The following NR6A1 variants were observed in gnomAD, a reference collection of about 807,000 sequenced individuals.
The protein encoded by NR6A1 is nuclear receptor subfamily 6 group A member 1.
Under a neutral mutation model 59.1 loss-of-function variants are expected in NR6A1, and 7 were observed. The ratio of observed to expected loss-of-function variants is 0.12; its 90% CI spans 0.07 to 0.22. The LOEUF is 0.22. Ranked by LOEUF, NR6A1 falls within the 10% of genes least tolerant of loss-of-function variation. The pLI is 1.00. For missense variants in NR6A1, 468 were observed against 611.6 expected, an observed-to-expected ratio of 0.77 and a Z score of 2.48; for synonymous variants, 243 against 236.1, an observed-to-expected ratio of 1.03 and a Z score of -0.27.
At chr9:124,611,478 C>T (rs1429986772) in intron 2 of NR6A1, among the ~76,000 whole-genome samples, 1 of 152,104 alleles carries the variant, frequency 6.6e-6, no homozygotes, top group Non-Finnish European at 1.5e-5. Context: ...GTTCACACCT[C>T]TGATCCTAAC....
At chr9:124,722,437 A>G (rs933624272) in intron 2 of NR6A1, among the ~76,000 whole-genome samples, 2 of 152,238 alleles carry the variant, frequency 1.3e-5, no homozygotes, top group Non-Finnish European at 2.9e-5. Context: ...CTAGGAATAA[A>G]TCCATTAGAA....
intron 2 of NR6A1, among the ~76,000 whole-genome samples, chr9:124,629,049 G>C (rs779325401): frequency 2.6e-5 from 4 of 152,190 alleles, no homozygotes; most frequent in Non-Finnish European, 4.4e-5. Context: ...GGCCAAAGAG[G>C]CCTCTGCCTC....
chr9:124,546,754 C>T (rs1021313136), intron 3 of NR6A1, among the ~76,000 whole-genome samples: 10 of 152,320 alleles, frequency 6.6e-5, no homozygotes, highest in Admixed American at 3.3e-4. Flanking sequence ...GAAATCAATA[C>T]AATGTGCCAC....
At chr9:124,609,916 T>C (rs1835690583) in intron 2 of NR6A1, among the ~76,000 whole-genome samples, 1 of 152,176 alleles carries the variant, frequency 6.6e-6, no homozygotes, top group Admixed American at 6.5e-5. Flanking sequence ...TGGTTATCTG[T>C]TGTTGGTGTA....
At chr9:124,734,815 C>G (rs550492471) in intron 1 of NR6A1, among the ~76,000 whole-genome samples, 1 of 152,308 alleles carries the variant, frequency 6.6e-6, no homozygotes, top group South Asian at 2.1e-4. Context: ...AAATGAGATT[C>G]ATGCAGCAGG....
intron 2 of NR6A1, among the ~76,000 whole-genome samples, chr9:124,557,794 T>C (rs1833972649): frequency 6.6e-6 from 1 of 152,186 alleles, no homozygotes; most frequent in Non-Finnish European, 1.5e-5. Context: ...GAATCTAAAT[T>C]TTCTAATTTT....
chr9:124,754,825 T>C (rs1254530269), intron 1 of NR6A1, among the ~76,000 whole-genome samples: 1 of 152,152 alleles, frequency 6.6e-6, no homozygotes, highest in Admixed American at 6.6e-5. Flanking sequence ...TCAGAAACTT[T>C]TGTAAAGTAA....
chr9:124,607,510 A>G (rs886650999), intron 2 of NR6A1: 1 of 152,188 alleles, frequency 6.6e-6, no homozygotes, highest in African/African-American at 2.4e-5. Context: ...AAGAAATTCT[A>G]GGGTTAAATC....
intron 7 of NR6A1, among the ~76,000 whole-genome samples, chr9:124,530,422 A>G (rs1833071035): frequency 6.6e-6 from 1 of 152,122 alleles, no homozygotes; most frequent in South Asian, 2.1e-4. Flanking sequence ...TGCCTCCTCC[A>G]CATCTGCCCA....
chr9:124,540,109 C>T lies in NR6A1; in HGVS notation c.520G>A (p.Asp174Asn), dbSNP rs1833400970. Residue 174 changes from aspartate to asparagine, a missense_variant, in exon 5 of 10, where the codon GAT (aspartate) becomes AAT (asparagine). Around this residue, in one of 4 missense-constraint regions of NR6A1, gnomAD observed 151 missense variants for 142.8 expected, o/e 1.06. Transcript: ENST00000487099. ...TTCCCAGGGGAACTGTGGTCACTAT[C>T]ACCATGGTTGCTCCAGTGATTGGCC... is the stretch of plus-strand genomic sequence containing the variant. ...EEANHWSNHG[D>N]SDHSSPGNRA... 1 of 1,613,440 alleles carries T rather than the reference C, an allele frequency of 6.2e-7. No homozygotes were observed.
chr9:124,575,447 G>A (rs766761926), intron 2 of NR6A1, among the ~76,000 whole-genome samples: 7 of 152,004 alleles, frequency 4.6e-5, no homozygotes, highest in Non-Finnish European at 1.0e-4. Context: ...GGTGGCACGC[G>A]CCTGTAGTCC....
At chr9:124,726,166 G>C (rs1265057368) in intron 2 of NR6A1, among the ~76,000 whole-genome samples, 1 of 151,978 alleles carries the variant, frequency 6.6e-6, no homozygotes. Context: ...TTTTAGTTGG[G>C]GTCATGTCAA....
chr9:124,588,614 G>A (rs1031424205), intron 2 of NR6A1, among the ~76,000 whole-genome samples: 2 of 147,380 alleles, frequency 1.4e-5, no homozygotes, highest in South Asian at 2.3e-4. Context: ...GGAACACGTC[G>A]TACTGTTAAT....
chr9:124,597,771 T>C (rs1835319490), intron 2 of NR6A1, among the ~76,000 whole-genome samples: 1 of 152,242 alleles, frequency 6.6e-6, no homozygotes, highest in African/African-American at 2.4e-5. Context: ...TTATAGACTC[T>C]ACTGGAAGAG....
intron 8 of NR6A1, among the ~76,000 whole-genome samples, chr9:124,525,079 C>T (rs137978794): frequency 1.0e-3 from 159 of 152,244 alleles, no homozygotes; most frequent in African/African-American, 3.4e-3. Context: ...ATACAGAGGA[C>T]AGTAAGCAGA....
chr9:124,577,799 T>A (rs1211231497), intron 2 of NR6A1, among the ~76,000 whole-genome samples: 1 of 152,202 alleles, frequency 6.6e-6, no homozygotes, highest in East Asian at 1.9e-4. Flanking sequence ...CATCAGTGTT[T>A]AAGGGCAGCT....
chr9:124,680,897 A>C (rs1478118694), intron 2 of NR6A1, among the ~76,000 whole-genome samples: 1 of 152,228 alleles, frequency 6.6e-6, no homozygotes, highest in Non-Finnish European at 1.5e-5. Flanking sequence ...GCTGGGTTAA[A>C]CTGCTGCCCT....
intron 2 of NR6A1, among the ~76,000 whole-genome samples, chr9:124,593,248 C>G (rs562658147): frequency 2.6e-5 from 4 of 152,194 alleles, no homozygotes; most frequent in Non-Finnish European, 5.9e-5. Flanking sequence ...CTAGGAACAT[C>G]TGTTTAGCTC....
rs370429934 is a variant in NR6A1, at chr9:124,599,380, T to C, written c.143-44810A>G. The stretch of plus-strand genomic sequence containing the variant: ...GTTGCAGTGAGCCGAGATGGCGCCA[T>C]TGCACTCCAGCCTGGGCGACAAAAG... On this transcript the variant is annotated intron_variant, in intron 2 of 9. Transcript: ENST00000487099. The C allele has an allele frequency of 2.4e-3, 894 of 365,330 alleles. 4 individuals are homozygous for C. The highest frequency in any genetic ancestry group is 0.017 in the African/African-American group (757 of 45,468). 22.6% of individuals were successfully genotyped at this position (365,330 alleles called of 1,614,324 possible).
Sources: gnomAD v4.1 joint callset for allele counts (sites outside exome capture counted in the v4.1 genomes callset) on GRCh38, gnomAD v4.1.1 for gene constraint, gnomAD v4.1.1 regional missense constraint, MANE v1.5 for transcripts, NCBI Gene and HGNC (gene_info 2026-07-23, HGNC 2026-07-21) for gene names.